LINGO1: variants seen among roughly 807,000 people sequenced by gnomAD.
LINGO1 encodes leucine-rich repeat and immunoglobulin-like domain-containing nogo receptor-interacting protein 1.
A neutral mutation model predicts 37.3 loss-of-function variants in LINGO1; 11 were observed. The ratio of observed to expected loss-of-function variants is 0.29; its 90% CI spans 0.19 to 0.49. The LOEUF is 0.49. Ranked by LOEUF, LINGO1 falls within the 20% of genes least tolerant of loss-of-function variation. The pLI, the probability that LINGO1 is intolerant of heterozygous loss-of-function variation, is 0.99. For synonymous variants in LINGO1, 387 were observed against 403.0 expected (o/e 0.96, Z 0.48); for missense variants, 585 against 878.2 (o/e 0.67, Z 4.22).
chr15:77,739,060 C>G (rs868023454), intron 1 of LINGO1, among the ~76,000 whole-genome samples: 2 of 152,238 alleles, frequency 1.3e-5, no homozygotes, highest in African/African-American at 2.4e-5. Flanking sequence ...CAGCAGCCCC[C>G]ACCCCAGGGA....
upstream of LINGO1, among the ~76,000 whole-genome samples, chr15:77,791,469 C>T (rs906854600): frequency 6.6e-6 from 1 of 151,806 alleles, no homozygotes; most frequent in Non-Finnish European, 1.5e-5. Flanking sequence ...TGAGGCTGAG[C>T]CTGGTGTGTG....
intron 1 of LINGO1, among the ~76,000 whole-genome samples, chr15:77,777,358 C>G (rs986268769): frequency 8.1e-6 from 1 of 123,074 alleles, no homozygotes; most frequent in African/African-American, 2.8e-5. Context: ...CACACACACA[C>G]GCATACACAT....
chr15:77,705,240 C>T (rs1596135562), intron 2 of LINGO1, among the ~76,000 whole-genome samples: 1 of 149,156 alleles, frequency 6.7e-6, no homozygotes, highest in Non-Finnish European at 1.5e-5. Context: ...CCTTGCTTTC[C>T]AGGTTCCCCG....
At chr15:77,699,777 C>CGCACACAGTAAGCACATACTAACCATCAT (rs1567532406), upstream of LINGO1, among the ~76,000 whole-genome samples, 7 of 4,662 alleles carry the variant, frequency 1.5e-3, no homozygotes, top group Admixed American at 1.9e-3. Flanking sequence ...ACCATCATTC[C>CGCACACAGTAAGCACATACTAACCATCAT]CCCCCTCTAC....
chr15:77,792,958 G>C (rs1310999601), intron 2 of LINGO1, among the ~76,000 whole-genome samples: 1 of 152,218 alleles, frequency 6.6e-6, no homozygotes, highest in Non-Finnish European at 1.5e-5. Flanking sequence ...TGCACAGGGA[G>C]GGTGGCACTA....
At chr15:77,749,578 T>C (rs935970288) in intron 1 of LINGO1, among the ~76,000 whole-genome samples, 1 of 152,216 alleles carries the variant, frequency 6.6e-6, no homozygotes, top group Non-Finnish European at 1.5e-5. Context: ...AGAGCCACCA[T>C]GTGGCCCATG....
chr15:77,705,819 C>T (rs2075845516), intron 2 of LINGO1, among the ~76,000 whole-genome samples: 2 of 152,192 alleles, frequency 1.3e-5, no homozygotes, highest in Non-Finnish European at 2.9e-5. Flanking sequence ...CAGCCACTGA[C>T]TCCAGACACA....
At chr15:77,622,024 C>T (rs1445890175) in intron 1 of LINGO1, among the ~76,000 whole-genome samples, 2 of 152,122 alleles carry the variant, frequency 1.3e-5, no homozygotes, top group African/African-American at 2.4e-5. Context: ...CACGGGGAAA[C>T]GAGGTGGGTG....
chr15:77,750,357 T>C (rs1280059425), intron 1 of LINGO1, among the ~76,000 whole-genome samples: 1 of 152,246 alleles, frequency 6.6e-6, no homozygotes, highest in Non-Finnish European at 1.5e-5. Context: ...TAAATAACTA[T>C]TAAAAGTGCC....
At chr15:77,677,984 C>A (rs1450160799) in intron 2 of LINGO1, among the ~76,000 whole-genome samples, 2 of 152,204 alleles carry the variant, frequency 1.3e-5, no homozygotes, top group African/African-American at 2.4e-5. Flanking sequence ...CCCTCACCTC[C>A]CCTCCAGACC....
At chr15:77,712,357 GA>G (rs2075928528) in intron 2 of LINGO1, among the ~76,000 whole-genome samples, 1 of 151,618 alleles carries the variant, frequency 6.6e-6, no homozygotes, top group Admixed American at 6.6e-5. Flanking sequence ...TGCCCTTGGT[GA>G]GCTTGAGTTC....
At chr15:77,717,315 C>T (rs2075996173) in intron 2 of LINGO1, among the ~76,000 whole-genome samples, 1 of 150,784 alleles carries the variant, frequency 6.6e-6, no homozygotes, top group South Asian at 2.1e-4. Context: ...AAAATAGACA[C>T]GTAAATACAG....
intron 2 of LINGO1, among the ~76,000 whole-genome samples, chr15:77,703,067 G>C (rs573864944): frequency 1.3e-5 from 2 of 152,282 alleles, no homozygotes; most frequent in South Asian, 4.1e-4. Flanking sequence ...TTGCCTTACT[G>C]AGCTTCAGAT....
At chr15:77,750,709 C>T (rs2141365916) in intron 1 of LINGO1, among the ~76,000 whole-genome samples, 1 of 152,384 alleles carries the variant, frequency 6.6e-6, no homozygotes, top group South Asian at 2.1e-4. Context: ...ACCTCCTTTC[C>T]ACCCAAAGAT....
At chr15:77,627,001 A>C (rs1156813341) in intron 1 of LINGO1, among the ~76,000 whole-genome samples, 1 of 130,050 alleles carries the variant, frequency 7.7e-6, no homozygotes, top group African/African-American at 3.0e-5. Context: ...TAGGCAGAAG[A>C]AGCGTGCTGG....
intron 1 of LINGO1, among the ~76,000 whole-genome samples, chr15:77,757,081 G>A (rs2045646377): frequency 6.6e-6 from 1 of 152,210 alleles, no homozygotes; most frequent in South Asian, 2.1e-4. Flanking sequence ...AAGGTTAGAT[G>A]CTGGAGGCCC....
intron 2 of LINGO1, among the ~76,000 whole-genome samples, chr15:77,734,479 A>G (rs2076183849): frequency 6.7e-6 from 1 of 150,092 alleles, no homozygotes; most frequent in African/African-American, 2.5e-5. Context: ...CCCCAGACAC[A>G]GCAATAGTGT....
At chr15:77,781,178 C>CTT (rs2076713340) in intron 1 of LINGO1, among the ~76,000 whole-genome samples, 1 of 152,220 alleles carries the variant, frequency 6.6e-6, no homozygotes, top group African/African-American at 2.4e-5. Flanking sequence ...TTTCATCTTG[C>CTT]GTAAAGTCCA....
chr15:77,710,646 T>C (rs748178612), intron 2 of LINGO1, among the ~76,000 whole-genome samples: 56 of 152,346 alleles, frequency 3.7e-4, no homozygotes, highest in Middle Eastern at 3.4e-3. Flanking sequence ...CCTCCATTCC[T>C]TCACTTTGCC....
Sources: gnomAD v4.1 joint callset for allele counts (sites outside exome capture counted in the v4.1 genomes callset) on GRCh38, gnomAD v4.1.1 for gene constraint, MANE v1.5 for transcripts, NCBI Gene and HGNC (gene_info 2026-07-23, HGNC 2026-07-21) for gene names.